Variants in SHTN1 observed in about 807,000 individuals in gnomAD.
The protein encoded by SHTN1 is shootin 1, also known as shootin-1.
A neutral mutation model predicts 83.1 loss-of-function variants in SHTN1; 42 were observed. The ratio of observed to expected loss-of-function variants is 0.51; its 90% CI spans 0.39 to 0.65. SHTN1 has a LOEUF of 0.65. Ranked by LOEUF, SHTN1 falls within the 30% of genes least tolerant of loss-of-function variation. SHTN1 has a pLI of 0.00. For missense variants in SHTN1, 622 were observed against 737.8 expected (o/e 0.84, Z 1.82); for synonymous variants, 224 against 247.7 (o/e 0.90, Z 0.90).
intron 8 of SHTN1, 62 bp downstream of exon 8, chr10:116,944,862 G>A: frequency 9.3e-7 from 1 of 1,074,922 alleles, no homozygotes; most frequent in Non-Finnish European, 1.4e-6. Flanking sequence ...CTGCACTCCA[G>A]CCTGGTGACA....
At chr10:116,893,576 G>GCACGCACACACACACACACACACA (rs1554905665) in intron 16 of SHTN1, among the ~76,000 whole-genome samples, 4 of 123,592 alleles carry the variant, frequency 3.2e-5, no homozygotes, top group African/African-American at 1.3e-4. Context: ...GCACTCATGT[G>GCACGCACACACACACACACACACA]CACACACACA....
At chr10:116,892,371 T>C (rs740600) in intron 16 of SHTN1, among the ~76,000 whole-genome samples, 91,025 of 152,112 alleles carry the variant, frequency 0.6, 30,334 homozygotes, top group Middle Eastern at 0.75. Flanking sequence ...CGGCCAAAGA[T>C]TCTGAAATGT....
chr10:116,961,814 T>G (rs1850196621), intron 3 of SHTN1, among the ~76,000 whole-genome samples: 1 of 152,198 alleles, frequency 6.6e-6, no homozygotes, highest in African/African-American at 2.4e-5. Flanking sequence ...CTGCTCAAGA[T>G]CATTTCAACT....
chr10:116,953,988 G>C (rs1444499310), intron 5 of SHTN1, 54 bp downstream of exon 5: 1 of 1,412,336 alleles, frequency 7.1e-7, no homozygotes, highest in Non-Finnish European at 9.7e-7. Context: ...GGGTTCAGAA[G>C]CACTATCATA....
At position 116,885,254 on chromosome 10, in the gene SHTN1, C is replaced by CTGAAT. The variant is rs1847130339; in HGVS notation, c.*1089_*1090insATTCA. 6.6e-6 allele frequency: 1 copy of CTGAAT among 152,592 alleles called. No homozygotes were observed. The highest frequency in any genetic ancestry group is 2.4e-5 in the African/African-American group (1 of 41,448). The allele number at this position is 152,592 out of a possible 1,614,324, so 9.5% of individuals were successfully genotyped here. A position where few individuals can be genotyped will look rare whatever the true frequency, so the allele number is the denominator to read the frequency against. On this transcript the variant is annotated 3_prime_UTR_variant, in exon 17 of 17. Transcript: ENST00000355371. ...TTCACTTTCTTTAATAGTAAAATTA[C>CTGAAT]CATTACTGAATCATTGTCATAAAAA...
chr10:116,940,396 T>C (rs920525233), intron 9 of SHTN1, 70 bp downstream of exon 9: 24 of 1,453,678 alleles, frequency 1.7e-5, no homozygotes, highest in Admixed American at 5.9e-5. Flanking sequence ...CTGGCTCCCT[T>C]CATCTTAAAT....
intron 1 of SHTN1, among the ~76,000 whole-genome samples, chr10:117,074,365 T>C (rs921033283): frequency 1.2e-4 from 18 of 152,314 alleles, no homozygotes; most frequent in African/African-American, 4.1e-4. Context: ...TTCTCATTCA[T>C]CAGTACCCAA....
chr10:117,047,945 G>A (rs1300219418), intron 2 of SHTN1, among the ~76,000 whole-genome samples: 4 of 151,322 alleles, frequency 2.6e-5, no homozygotes, highest in Non-Finnish European at 5.9e-5. Flanking sequence ...CAATTATGTA[G>A]TCTTAACTAA....
At chr10:117,046,325 A>G (rs1015914922) in intron 2 of SHTN1, among the ~76,000 whole-genome samples, 4 of 152,232 alleles carry the variant, frequency 2.6e-5, no homozygotes, top group African/African-American at 7.2e-5. Flanking sequence ...CAAAACCACA[A>G]TGAAATACTT....
intron 1 of SHTN1, among the ~76,000 whole-genome samples, chr10:117,102,586 AC>A (rs769503526): frequency 3.9e-5 from 6 of 152,006 alleles, no homozygotes; most frequent in Non-Finnish European, 7.4e-5. Flanking sequence ...TTCCCCTCCA[AC>A]AAGTGGATCT....
Position 117,081,820 on chromosome 10 carries a change from C to T in SHTN1, c.-188-33310G>A, listed in dbSNP as rs1459135020. ...TCTTCTAGATTTTCTAGTTTATTTG[C>T]GTAGAGGTGTTTGTAGTATTCTCTG... On this transcript the variant is annotated intron_variant, in intron 1 of 17. Transcript: ENST00000392901. 4.0e-5 allele frequency among the ~76,000 whole-genome samples: 6 copies of T among 149,906 alleles called. No individual in the cohort carries two copies. In the East Asian group the frequency reaches 5.9e-4, roughly 15 times the overall value.
At chr10:117,120,966 T>G (rs769681120) in intron 1 of SHTN1, among the ~76,000 whole-genome samples, 9 of 152,100 alleles carry the variant, frequency 5.9e-5, no homozygotes, top group Non-Finnish European at 1.3e-4. Context: ...TGTGCCAACA[T>G]GCCTAGCTAA....
chr10:117,005,710 G>A (rs1851994276), upstream of SHTN1: 7 of 384,468 alleles, frequency 1.8e-5, no homozygotes, highest in Non-Finnish European at 2.5e-5. Flanking sequence ...GACAAGGATC[G>A]AATCAGGCCG....
At chr10:117,047,052 A>C (rs913481644) in intron 2 of SHTN1, among the ~76,000 whole-genome samples, 2 of 152,046 alleles carry the variant, frequency 1.3e-5, no homozygotes, top group Non-Finnish European at 2.9e-5. Context: ...ATGATATGTA[A>C]ATTATTTTTC....
In SHTN1 at chr10:117,099,009, T is replaced by TACACACACACACACAC. The variant is rs371738555; in HGVS notation, c.-189+27282_-189+27297dup. 9.9e-4 allele frequency among the ~76,000 whole-genome samples: 140 copies of TACACACACACACACAC among 141,120 alleles called. 1 individual carries two copies. The highest frequency in any genetic ancestry group is 1.8e-3 in the African/African-American group (68 of 38,434). 92.6% of individuals were successfully genotyped at this position (141,120 alleles called of 152,430 possible). ...TTCCACAAAGAAAATGTGGTATGTA[T>TACACACACACACACAC]ACACACACACACACACACACACACA... On this transcript the variant is annotated intron_variant, in intron 1 of 17. Transcript: ENST00000392901.
chr10:116,898,590 G>GT (rs1203506552), intron 16 of SHTN1, among the ~76,000 whole-genome samples: 1 of 152,088 alleles, frequency 6.6e-6, no homozygotes, highest in Non-Finnish European at 1.5e-5. Context: ...CACATTCACT[G>GT]TGAGATTTAA....
In SHTN1 at chr10:116,927,908, CAT is replaced by C. The variant is rs754207853; in HGVS notation, c.1013-19_1013-18del. The C allele has an allele frequency of 6.2e-7, 1 of 1,611,728 alleles. No individual in the cohort carries two copies. Among genetic ancestry groups the C allele is most frequent in the Non-Finnish European group, 8.5e-7 (1 of 1,178,888 alleles). On this transcript the variant is annotated intron_variant, in intron 10 of 16. Coordinates refer to ENST00000355371, the MANE Select transcript of SHTN1 (RefSeq NM_001127211.3). ...GTTCATCAACTGCACAGAGAGCAAA[CAT>C]TCAGAAGAGAGCTGAAATAAGCAAC...
At chr10:117,045,038 AC>A in intron 2 of SHTN1, among the ~76,000 whole-genome samples, 1 of 152,352 alleles carries the variant, frequency 6.6e-6, no homozygotes, top group Admixed American at 6.5e-5. Context: ...CTGACAACTT[AC>A]AAAACTTACA....
rs368293321 is a variant in SHTN1, at chr10:116,955,747, A to G, written c.268-1537T>C. On this transcript the variant is annotated intron_variant, in intron 4 of 16. Transcript: ENST00000355371. ...CTGACCTCTTTGGAGAATCAGGAAG[A>G]ATCTCTAAGAAATGGTTATGAACTC... Among the ~76,000 whole-genome samples the G allele has an allele frequency of 3.3e-5, 5 of 152,300 alleles. No individual in the cohort carries two copies. The East Asian group carries it at 9.7e-4, about 29-fold the overall frequency.
Sources: gnomAD v4.1 joint callset for allele counts (sites outside exome capture counted in the v4.1 genomes callset) on GRCh38, gnomAD v4.1.1 for gene constraint, MANE v1.5 for transcripts, NCBI Gene and HGNC (gene_info 2026-07-23, HGNC 2026-07-21) for gene names.